GXYLT2: variants seen among roughly 807,000 people sequenced by gnomAD.
GXYLT2 encodes the protein glucoside xylosyltransferase 2, also known as glycosyltransferase 8 domain containing 4.
GXYLT2 carries 53 observed loss-of-function variants against 45.8 expected under a neutral mutation model. That is an observed-to-expected ratio of 1.16 (90% CI 0.93 to 1.46). The LOEUF (loss-of-function observed/expected upper bound fraction) is 1.46, where lower values mean the gene tolerates loss of function less well. GXYLT2 is among the 40% of genes most tolerant of loss of function. The probability of loss-of-function intolerance (pLI) is 0.00; values close to 1 mark genes in which losing one functional copy is unlikely to be tolerated. For synonymous variants in GXYLT2, 219 were observed against 214.2 expected (o/e 1.02, Z -0.19); for missense variants, 551 against 544.4 (o/e 1.01, Z -0.12).
intron 3 of GXYLT2, among the ~76,000 whole-genome samples, chr3:72,947,792 A>C (rs745968884): frequency 6.6e-6 from 1 of 152,038 alleles, no homozygotes; most frequent in Non-Finnish European, 1.5e-5. Flanking sequence ...ACAGGAGCAA[A>C]ACTCCATCTC....
intron 3 of GXYLT2, among the ~76,000 whole-genome samples, chr3:72,929,767 A>G (rs1207605982): frequency 6.6e-6 from 1 of 152,244 alleles, no homozygotes; most frequent in Non-Finnish European, 1.5e-5. Flanking sequence ...TAGAGGAACA[A>G]CAAAAATATT....
At chr3:72,920,898 T>C (rs1032309714) in intron 2 of GXYLT2, among the ~76,000 whole-genome samples, 6 of 150,878 alleles carry the variant, frequency 4.0e-5, no homozygotes, top group Admixed American at 1.3e-4. Flanking sequence ...CACTGCAACC[T>C]CCACCTCTGC....
intron 1 of GXYLT2, among the ~76,000 whole-genome samples, chr3:72,900,834 G>A (rs1280141765): frequency 1.3e-5 from 2 of 151,702 alleles, no homozygotes; most frequent in Non-Finnish European, 2.9e-5. Context: ...TAACTTTATT[G>A]CAGTTTAACT....
chr3:72,968,697 G>A (rs1024396384), intron 6 of GXYLT2, among the ~76,000 whole-genome samples: 3 of 152,224 alleles, frequency 2.0e-5, no homozygotes, highest in Non-Finnish European at 4.4e-5. Flanking sequence ...GGAGGCCAAG[G>A]CAGGTGGATC....
chr3:72,956,610 G>A (rs79180464), intron 4 of GXYLT2, among the ~76,000 whole-genome samples: 2,040 of 152,112 alleles, frequency 0.013, 55 homozygotes, highest in African/African-American at 0.047. Flanking sequence ...GAAAGACTTC[G>A]CCTCTTAGGT....
intron 3 of GXYLT2, among the ~76,000 whole-genome samples, chr3:72,938,256 A>T (rs957777096): frequency 6.6e-6 from 1 of 152,172 alleles, no homozygotes; most frequent in Non-Finnish European, 1.5e-5. Flanking sequence ...GGGATGGACA[A>T]TGGATGGAAA....
At chr3:72,956,184 G>A (rs542859917) in intron 4 of GXYLT2, among the ~76,000 whole-genome samples, 106 of 152,104 alleles carry the variant, frequency 7.0e-4, no homozygotes, top group Non-Finnish European at 1.4e-3. Flanking sequence ...CCAGGAGGTC[G>A]AGGCTGCATT....
intron 5 of GXYLT2, among the ~76,000 whole-genome samples, chr3:72,962,158 C>T (rs955714764): frequency 6.6e-6 from 1 of 152,152 alleles, no homozygotes; most frequent in African/African-American, 2.4e-5. Flanking sequence ...ACCAAAGCAC[C>T]CAGCAACAGG....
At chr3:72,936,021 G>T (rs1313123524) in intron 3 of GXYLT2, among the ~76,000 whole-genome samples, 1 of 152,214 alleles carries the variant, frequency 6.6e-6, no homozygotes, top group African/African-American at 2.4e-5. Context: ...GCCGGGCGCG[G>T]TGGCTCACGT....
chr3:72,905,877 C>G (rs1423090127), intron 1 of GXYLT2, among the ~76,000 whole-genome samples: 1 of 152,168 alleles, frequency 6.6e-6, no homozygotes, highest in Non-Finnish European at 1.5e-5. Flanking sequence ...TTGTACTTCC[C>G]TGATTACTAA....
intron 1 of GXYLT2, among the ~76,000 whole-genome samples, chr3:72,892,073 T>A (rs955061249): frequency 1.3e-5 from 2 of 152,084 alleles, no homozygotes; most frequent in African/African-American, 4.8e-5. Context: ...GCATGTGGAG[T>A]CCAGCAAATT....
intron 3 of GXYLT2, among the ~76,000 whole-genome samples, chr3:72,952,518 C>A (rs1710547862): frequency 6.6e-6 from 1 of 152,016 alleles, no homozygotes; most frequent in South Asian, 2.1e-4. Flanking sequence ...TTGGGGATCC[C>A]AGTGGCATGT....
At chr3:72,906,952 T>G (rs1252721090) in intron 1 of GXYLT2, among the ~76,000 whole-genome samples, 1 of 152,126 alleles carries the variant, frequency 6.6e-6, no homozygotes, top group Non-Finnish European at 1.5e-5. Context: ...AACACAATCC[T>G]ATTTGCACTT....
chr3:72,899,932 A>G (rs1156676137), intron 1 of GXYLT2, among the ~76,000 whole-genome samples: 2 of 152,148 alleles, frequency 1.3e-5, no homozygotes, highest in Non-Finnish European at 2.9e-5. Context: ...GGCCAACAGC[A>G]TGGGTTAGGG....
intron 3 of GXYLT2, among the ~76,000 whole-genome samples, chr3:72,934,164 C>T (rs1385834210): frequency 6.7e-6 from 1 of 150,190 alleles, no homozygotes; most frequent in Non-Finnish European, 1.5e-5. Flanking sequence ...TTATTGAAGC[C>T]TCAACCTCCT....
Position 72,888,428 on chromosome 3 carries a change from G to A in GXYLT2, c.195G>A (p.Pro65=), listed in dbSNP as rs1374619285. 8.8e-7 allele frequency: 1 copy of A among 1,130,140 alleles called. No individual in the cohort carries two copies. The highest frequency in any genetic ancestry group is 1.7e-5 in the African/African-American group (1 of 60,064). The allele number at this position is 1,130,140 out of a possible 1,614,324, so 70.0% of individuals were successfully genotyped here. The part of the protein sequence containing the change: ...PGPGALPGAS[P]GVRRRRPPRP... ...CGGGCGCCCTCCCCGGGGCCAGCCCGGGAGTTCGGAGGCGCCGGCCCCCGC... is the reference window on the plus strand; with the variant it reads ...CGGGCGCCCTCCCCGGGGCCAGCCCAGGAGTTCGGAGGCGCCGGCCCCCGC... The change falls in exon 1 of 7, where the codon CCG becomes CCA. Residue 65 remains proline, a synonymous_variant. Transcript: ENST00000389617.
At chr3:72,970,304 T>C (rs1710962429) in intron 6 of GXYLT2, among the ~76,000 whole-genome samples, 1 of 151,692 alleles carries the variant, frequency 6.6e-6, no homozygotes, top group Admixed American at 6.6e-5. Context: ...TGAGTCTTGA[T>C]TGCACTACTA....
chr3:72,971,111 C>T (rs1231735097), intron 6 of GXYLT2, among the ~76,000 whole-genome samples: 1 of 152,184 alleles, frequency 6.6e-6, no homozygotes, highest in African/African-American at 2.4e-5. Context: ...GTGTGTCTAT[C>T]AGAGCCACTC....
At chr3:72,954,403 G>GTGTGTA (rs1192656403) in intron 3 of GXYLT2, among the ~76,000 whole-genome samples, 1 of 144,138 alleles carries the variant, frequency 6.9e-6, no homozygotes, top group South Asian at 2.1e-4. Context: ...CCCAGCCTGT[G>GTGTGTA]TGTGTGTGTG....
Sources: allele counts gnomAD v4.1 joint callset (sites outside exome capture counted in the v4.1 genomes callset), GRCh38; gene constraint gnomAD v4.1.1; transcripts MANE v1.5; gene names NCBI Gene and HGNC (gene_info 2026-07-23, HGNC 2026-07-21).